The following DRC11 variants were observed in gnomAD, a reference collection of about 807,000 sequenced individuals.
The protein encoded by DRC11 is IQ and AAA domain-containing protein 1.
At chr2:236,394,393 G>A in the DRC11 span, among the ~76,000 whole-genome samples, 1 of 152,170 alleles carries the variant, frequency 6.6e-6, no homozygotes, top group Non-Finnish European at 1.5e-5. This position sits in a 1 kb window ranked among gnomAD's most constrained non-coding sequence, Gnocchi z 7.0. Flanking sequence ...AGCACTCTGG[G>A]AGGCCGAGGT....
the DRC11 span, among the ~76,000 whole-genome samples, chr2:236,357,536 TA>T: frequency 7.8e-6 from 1 of 127,610 alleles, no homozygotes; most frequent in African/African-American, 3.1e-5. Flanking sequence ...ATTATGAATA[TA>T]ATTTATATAT....
the DRC11 span, among the ~76,000 whole-genome samples, chr2:236,421,301 A>T: frequency 6.6e-6 from 1 of 152,182 alleles, no homozygotes; most frequent in Non-Finnish European, 1.5e-5. Context: ...AACTAAATTG[A>T]TAGACTGCTA....
chr2:236,367,977 A>C, the DRC11 span: 6 of 579,992 alleles, frequency 1.0e-5, no homozygotes, highest in Non-Finnish European at 1.9e-5. This position sits in a 1 kb window ranked among gnomAD's most constrained non-coding sequence, Gnocchi z 4.8. Context: ...AGCACTGCTA[A>C]GCAGGCACGC....
At chr2:236,345,323 C>T in the DRC11 span, among the ~76,000 whole-genome samples, 3 of 152,188 alleles carry the variant, frequency 2.0e-5, no homozygotes, top group South Asian at 2.1e-4. Flanking sequence ...CCCACCCCCC[C>T]CAACCGCTCC....
At chr2:236,422,750 C>G in the DRC11 span, among the ~76,000 whole-genome samples, 924 of 152,236 alleles carry the variant, frequency 6.1e-3, 10 homozygotes, top group African/African-American at 0.021. Flanking sequence ...CCAAGTCAAT[C>G]CTAAGCCAAA....
chr2:236,343,624 C>T, the DRC11 span: 34 of 904,678 alleles, frequency 3.8e-5, no homozygotes, highest in East Asian at 2.5e-4. The surrounding 1 kb of genome is among the most constrained non-coding windows in gnomAD (Gnocchi z 6.6). Flanking sequence ...ACACGTGAGA[C>T]GAAACACTGC....
the DRC11 span, among the ~76,000 whole-genome samples, chr2:236,320,226 G>A: frequency 0.16 from 24,209 of 152,210 alleles, 4,543 homozygotes; most frequent in African/African-American, 0.45. Flanking sequence ...CCTGTTGCTG[G>A]GGCGGCTGCC....
chr2:236,486,544 T>C, the DRC11 span, among the ~76,000 whole-genome samples: 1 of 151,412 alleles, frequency 6.6e-6, no homozygotes, highest in Non-Finnish European at 1.5e-5. This position sits in a 1 kb window ranked among gnomAD's most constrained non-coding sequence, Gnocchi z 5.7. Context: ...CCTAATATAG[T>C]GGTGTGCACT....
At chr2:236,320,365 A>G in the DRC11 span, among the ~76,000 whole-genome samples, 42 of 152,328 alleles carry the variant, frequency 2.8e-4, no homozygotes, top group East Asian at 5.2e-3. Flanking sequence ...CTTGGGTCCC[A>G]CAGTATCATT....
At chr2:236,376,668 T>C in the DRC11 span, among the ~76,000 whole-genome samples, 2 of 152,154 alleles carry the variant, frequency 1.3e-5, no homozygotes, top group East Asian at 1.9e-4. This position sits in a 1 kb window ranked among gnomAD's most constrained non-coding sequence, Gnocchi z 5.7. Context: ...CCCACCTCAT[T>C]CCTCCCCAAT....
the DRC11 span, among the ~76,000 whole-genome samples, chr2:236,319,303 G>C: frequency 6.6e-6 from 1 of 152,222 alleles, no homozygotes; most frequent in Non-Finnish European, 1.5e-5. This position sits in a 1 kb window ranked among gnomAD's most constrained non-coding sequence, Gnocchi z 6.7. Flanking sequence ...TACTCCTCAC[G>C]ATAGCGCAGG....
At chr2:236,446,857 G>A in the DRC11 span, among the ~76,000 whole-genome samples, 1 of 152,308 alleles carries the variant, frequency 6.6e-6, no homozygotes, top group South Asian at 2.1e-4. The surrounding 1 kb of genome is among the most constrained non-coding windows in gnomAD (Gnocchi z 6.2). Flanking sequence ...ACCTTCAAGA[G>A]CTGATTCGTC....
At chr2:236,338,058 TGGGTGCAGGTGCACACACCCCACC>T in the DRC11 span, 182 of 656,570 alleles carry the variant, frequency 2.8e-4, 2 homozygotes, top group South Asian at 2.5e-3. Context: ...TGCTCTGTGT[TGGGTGCAGGTGCACACACCCCACC>T]GGGTGCAGGC....
the DRC11 span, among the ~76,000 whole-genome samples, chr2:236,434,552 G>C: frequency 2.0e-5 from 3 of 152,144 alleles, no homozygotes; most frequent in African/African-American, 7.2e-5. The surrounding 1 kb of genome is among the most constrained non-coding windows in gnomAD (Gnocchi z 5.5). Flanking sequence ...AACTGAATCG[G>C]AGTGTGGGGG....
At chr2:236,370,315 T>C in the DRC11 span, among the ~76,000 whole-genome samples, 5 of 152,124 alleles carry the variant, frequency 3.3e-5, no homozygotes. This position sits in a 1 kb window ranked among gnomAD's most constrained non-coding sequence, Gnocchi z 5.5. Context: ...TTTACAGCGA[T>C]TTAGTGAGGC....
chr2:236,430,643 A>G, the DRC11 span, among the ~76,000 whole-genome samples: 1 of 152,250 alleles, frequency 6.6e-6, no homozygotes, highest in East Asian at 1.9e-4. The surrounding 1 kb of genome is among the most constrained non-coding windows in gnomAD (Gnocchi z 6.0). Context: ...GAATAAATGC[A>G]TGCAAATATC....
the DRC11 span, among the ~76,000 whole-genome samples, chr2:236,432,738 C>T: frequency 1.3e-5 from 2 of 152,006 alleles, no homozygotes; most frequent in African/African-American, 4.8e-5. Flanking sequence ...GTCATTGTTT[C>T]CATGTAGGAT....
At chr2:236,493,752 A>G in the DRC11 span, 2 of 1,567,340 alleles carry the variant, frequency 1.3e-6, no homozygotes, top group Non-Finnish European at 8.7e-7. Flanking sequence ...AATGTTTGTT[A>G]AAATGATATA....
chr2:236,313,053 A>G, the DRC11 span, among the ~76,000 whole-genome samples: 665 of 152,296 alleles, frequency 4.4e-3, 3 homozygotes, highest in African/African-American at 0.015. This position sits in a 1 kb window ranked among gnomAD's most constrained non-coding sequence, Gnocchi z 4.5. Context: ...AATCCTTTCT[A>G]TACAGATGGA....
Sources: gnomAD v4.1 joint callset for allele counts (sites outside exome capture counted in the v4.1 genomes callset) on GRCh38, gnomAD v4.1.1 for gene constraint, Gnocchi (gnomAD v3.1) non-coding constraint, MANE v1.5 for transcripts, NCBI Gene and HGNC (gene_info 2026-07-23, HGNC 2026-07-21) for gene names.